The following CSMD3 variants were observed in gnomAD, a reference collection of about 807,000 sequenced individuals.
CSMD3 encodes the protein CUB and Sushi multiple domains 3.
Under a neutral mutation model 435.2 loss-of-function variants are expected in CSMD3, and 177 were observed. That is an observed-to-expected ratio of 0.41 (90% confidence interval 0.36 to 0.46). The LOEUF (loss-of-function observed/expected upper bound fraction) is 0.46, where lower values mean the gene tolerates loss of function less well. Ranked by LOEUF, CSMD3 falls within the 20% of genes least tolerant of loss-of-function variation. The pLI, the probability that CSMD3 is intolerant of heterozygous loss-of-function variation, is 0.34. For synonymous variants in CSMD3, 1,656 were observed against 1,520.5 expected, an observed-to-expected ratio of 1.09 and a Z score of -2.07; for missense variants, 4,265 against 4,504.6, an observed-to-expected ratio of 0.95 and a Z score of 1.52.
At chr8:112,817,149 T>C (rs2079397156) in intron 12 of CSMD3, among the ~76,000 whole-genome samples, 1 of 152,142 alleles carries the variant, frequency 6.6e-6, no homozygotes, top group South Asian at 2.1e-4. Context: ...TGTTTTCATT[T>C]AGTTCTTACA....
intron 5 of CSMD3, among the ~76,000 whole-genome samples, chr8:113,052,783 T>C (rs1161984016): frequency 1.3e-5 from 2 of 152,160 alleles, no homozygotes; most frequent in African/African-American, 2.4e-5. Flanking sequence ...CTTAAAAAGA[T>C]AATAGTGACC....
intron 4 of CSMD3, among the ~76,000 whole-genome samples, chr8:113,139,335 A>C (rs751804163): frequency 1.3e-4 from 19 of 151,080 alleles, no homozygotes; most frequent in Non-Finnish European, 1.8e-4. Flanking sequence ...TGATGGCCAG[A>C]GTAAAAATTG....
intron 27 of CSMD3, among the ~76,000 whole-genome samples, chr8:112,536,244 AATG>A (rs1426897830): frequency 0.012 from 1,836 of 151,234 alleles, 35 homozygotes; most frequent in African/African-American, 0.043. Flanking sequence ...CAACCTACAA[AATG>A]GGAGAAAATT....
At chr8:113,180,304 C>A (rs1171195070) in intron 3 of CSMD3, among the ~76,000 whole-genome samples, 3 of 151,898 alleles carry the variant, frequency 2.0e-5, no homozygotes, top group South Asian at 2.1e-4. Flanking sequence ...ACAAAATGTT[C>A]TTTATTACAA....
chr8:112,837,997 T>C (rs978631629), intron 11 of CSMD3, among the ~76,000 whole-genome samples: 1 of 151,728 alleles, frequency 6.6e-6, no homozygotes, highest in African/African-American at 2.4e-5. Context: ...GCAATCATAG[T>C]CCAATGAGGG....
chr8:113,429,082 A>G (rs1171878964), intron 1 of CSMD3, among the ~76,000 whole-genome samples: 1 of 151,822 alleles, frequency 6.6e-6, no homozygotes, highest in African/African-American at 2.4e-5. Context: ...CTCCTCAAAG[A>G]GTAGAATTTC....
chr8:112,648,706 T>A (rs2131625921), intron 19 of CSMD3, among the ~76,000 whole-genome samples: 1 of 152,350 alleles, frequency 6.6e-6, no homozygotes, highest in Non-Finnish European at 1.5e-5. Flanking sequence ...AGCGTGTTGA[T>A]GCGCTTGCCA....
chr8:112,303,668 T>C (rs1586711937), intron 52 of CSMD3, among the ~76,000 whole-genome samples: 2 of 152,294 alleles, frequency 1.3e-5, no homozygotes, highest in South Asian at 2.1e-4. Context: ...AATTCATTAA[T>C]GTGATTATCT....
intron 12 of CSMD3, among the ~76,000 whole-genome samples, chr8:112,802,711 T>C (rs1028866295): frequency 6.6e-6 from 1 of 151,860 alleles, no homozygotes; most frequent in African/African-American, 2.4e-5. Flanking sequence ...TAGTTTTGAA[T>C]TGAGTAGACC....
chr8:112,261,685 T>G (rs1816415118), intron 61 of CSMD3, among the ~76,000 whole-genome samples: 1 of 152,018 alleles, frequency 6.6e-6, no homozygotes, highest in Admixed American at 6.6e-5. Context: ...AAAATAAAAT[T>G]TCTTGGCAAT....
At position 113,405,840 on chromosome 8, in the gene CSMD3, T is replaced by A. The variant is rs537653895; in HGVS notation, c.178+30837A>T. 3.7e-3 allele frequency among the ~76,000 whole-genome samples: 566 copies of A among 151,962 alleles called. 7 individuals are homozygous for A. The highest frequency in any genetic ancestry group is 0.013 in the African/African-American group (540 of 41,556). ...GGGTATATAGTATAATGTAAATGCATGCTTCCATATTTTTTATTAGAAACA... is the reference window on the plus strand; with the variant it reads ...GGGTATATAGTATAATGTAAATGCAAGCTTCCATATTTTTTATTAGAAACA... On this transcript the variant is annotated intron_variant, in intron 1 of 70. Transcript: ENST00000297405.
intron 47 of CSMD3, among the ~76,000 whole-genome samples, chr8:112,315,522 A>C (rs530513596): frequency 6.6e-6 from 1 of 151,848 alleles, no homozygotes; most frequent in African/African-American, 2.4e-5. Context: ...AGAGTATTGG[A>C]ATTATTTAGT....
chr8:113,114,206 T>C (rs1051665539), intron 4 of CSMD3, among the ~76,000 whole-genome samples: 1 of 152,162 alleles, frequency 6.6e-6, no homozygotes. Context: ...AGACTCTACT[T>C]TAAAAATGTG....
chr8:113,358,496 G>A (rs2094248607), intron 1 of CSMD3, among the ~76,000 whole-genome samples: 1 of 152,152 alleles, frequency 6.6e-6, no homozygotes, highest in South Asian at 2.1e-4. Context: ...GGGATTACAG[G>A]CGTATGCCAC....
At chr8:112,386,241 G>A (rs1410436439) in intron 36 of CSMD3, among the ~76,000 whole-genome samples, 2 of 152,112 alleles carry the variant, frequency 1.3e-5, no homozygotes, top group Non-Finnish European at 2.9e-5. Context: ...CCAGCGCTAT[G>A]AGGAAAAAAA....
intron 6 of CSMD3, among the ~76,000 whole-genome samples, chr8:112,987,596 TA>T (rs759819094): frequency 5.3e-5 from 8 of 152,128 alleles, no homozygotes; most frequent in Non-Finnish European, 8.8e-5. Flanking sequence ...CTGGCACAGC[TA>T]AAAGATGGAC....
chr8:113,408,741 T>C (rs1287989551), intron 1 of CSMD3, among the ~76,000 whole-genome samples: 2 of 150,444 alleles, frequency 1.3e-5, no homozygotes, highest in African/African-American at 2.4e-5. Context: ...CACTGCAACC[T>C]CTCCCTCCTG....
chr8:112,269,571 C>T (rs1186587602), intron 59 of CSMD3, among the ~76,000 whole-genome samples: 2 of 152,146 alleles, frequency 1.3e-5, no homozygotes, highest in African/African-American at 4.8e-5. Flanking sequence ...CCCAAAACAC[C>T]ATATGCACTC....
intron 5 of CSMD3, among the ~76,000 whole-genome samples, chr8:113,095,775 T>C (rs1441004613): frequency 6.6e-6 from 1 of 152,202 alleles, no homozygotes; most frequent in Non-Finnish European, 1.5e-5. Context: ...TGGAGATTAT[T>C]TAAAGTATAT....
Sources: gnomAD v4.1 joint callset for allele counts (sites outside exome capture counted in the v4.1 genomes callset) on GRCh38, gnomAD v4.1.1 for gene constraint, MANE v1.5 for transcripts, NCBI Gene and HGNC (gene_info 2026-07-23, HGNC 2026-07-21) for gene names.